The following WDR64 variants were observed in gnomAD, a reference collection of about 807,000 sequenced individuals.
WDR64 encodes the protein WD repeat-containing protein 64.
In WDR64, 112 loss-of-function variants were observed where a neutral mutation model predicts 139.3. That is an observed-to-expected ratio of 0.80 (90% CI 0.69 to 0.94). The LOEUF (loss-of-function observed/expected upper bound fraction) is 0.94. Among genes scored for constraint, WDR64 ranks in the 40% least tolerant of loss-of-function variants. The pLI is 0.00. For synonymous variants in WDR64, 444 were observed against 437.7 expected, an observed-to-expected ratio of 1.01 and a Z score of -0.18; for missense variants, 1,206 against 1,293.1, an observed-to-expected ratio of 0.93 and a Z score of 1.03.
intron 13 of WDR64, among the ~76,000 whole-genome samples, chr1:241,746,067 A>T (rs1292800230): frequency 6.6e-6 from 1 of 152,230 alleles, no homozygotes; most frequent in Non-Finnish European, 1.5e-5. Flanking sequence ...CACTATGATT[A>T]TTCATTAAAT....
intron 9 of WDR64, among the ~76,000 whole-genome samples, chr1:241,713,408 AGGAAGGGAAGGAAG>A (rs1448130707): frequency 3.0e-5 from 3 of 99,582 alleles, no homozygotes; most frequent in African/African-American, 1.1e-4. Flanking sequence ...GGAGGGAGGG[AGGAAGGGAAGGAAG>A]GGAAGGAAGG....
intron 12 of WDR64, among the ~76,000 whole-genome samples, chr1:241,742,022 G>A (rs568539347): frequency 2.0e-5 from 3 of 152,284 alleles, no homozygotes; most frequent in African/African-American, 7.2e-5. Flanking sequence ...AAATTTATAG[G>A]TGTTTACTGT....
Position 241,801,426 on chromosome 1 carries a change from G to A in WDR64, c.*211G>A, listed in dbSNP as rs548834200. 38 of 483,564 alleles carry A rather than the reference G, an allele frequency of 7.9e-5. No individual in the cohort carries two copies. Among genetic ancestry groups the A allele is most frequent in the East Asian group, 3.3e-4 (11 of 33,488 alleles). The allele number at this position is 483,564 out of a possible 1,614,324, so 30.0% of individuals were successfully genotyped here. A position where few individuals can be genotyped will look rare whatever the true frequency, so the allele number is the denominator to read the frequency against. On this transcript the variant is annotated 3_prime_UTR_variant, in exon 28 of 28. Coordinates refer to ENST00000437684, the MANE Select transcript of WDR64 (RefSeq NM_001367482.1). ...GCAGCAAGCAGCCAGAAGTTTAGGC[G>A]GTGTTTCTTATTTACTGTCAGCAAA...
In WDR64 at chr1:241,802,486, T is replaced by C. The variant is rs1268769339; in HGVS notation, c.*1271T>C. ...TGTTATCTTAATAAAGTTTGGGTTA[T>C]ACAGCTAGGTGTGCATTTCAAAATT... On this transcript the variant is annotated 3_prime_UTR_variant, in exon 28 of 28. Coordinates refer to ENST00000437684, the MANE Select transcript of WDR64 (RefSeq NM_001367482.1). Among the ~76,000 whole-genome samples the C allele has an allele frequency of 1.3e-5, 2 of 152,182 alleles. No homozygotes were observed. Among genetic ancestry groups the C allele is most frequent in the African/African-American group, 2.4e-5 (1 of 41,462 alleles).
At position 241,707,857 on chromosome 1, in the gene WDR64, C is replaced by T. The variant is rs1395927664; in HGVS notation, c.975-3945C>T. ...TTTCATAAGTGGAGACACTGTAGCT[C>T]AGCAAGATTAAGTGACTTTTCTAAA... On this transcript the variant is annotated intron_variant, in intron 8 of 27. Transcript: ENST00000437684. Among the ~76,000 whole-genome samples the T allele has an allele frequency of 2.0e-5, 3 of 152,216 alleles. No homozygotes were observed. The East Asian group carries it at 5.8e-4, about 29-fold the overall frequency.
intron 10 of WDR64, among the ~76,000 whole-genome samples, chr1:241,727,011 C>T (rs947152579): frequency 1.3e-5 from 2 of 152,066 alleles, no homozygotes; most frequent in Non-Finnish European, 2.9e-5. Flanking sequence ...CTCAGCCTCC[C>T]AAGTAGCTGG....
intron 10 of WDR64, among the ~76,000 whole-genome samples, chr1:241,724,867 C>T (rs1668740375): frequency 2.0e-5 from 3 of 152,024 alleles, no homozygotes; most frequent in African/African-American, 7.2e-5. Flanking sequence ...CTAATAACAA[C>T]CCTATAAAGT....
Position 241,674,740 on chromosome 1 carries a change from A to C in WDR64, c.476A>C (p.Asn159Thr). 6.5e-7 allele frequency: 1 copy of C among 1,538,292 alleles called. No individual in the cohort carries two copies. Among genetic ancestry groups the C allele is most frequent in the Non-Finnish European group, 8.8e-7 (1 of 1,136,784 alleles). Residue 159 changes from asparagine (N) to threonine (T), a missense_variant, in exon 4 of 28, where the codon AAT (asparagine) becomes ACT (threonine). Coordinates refer to ENST00000437684, the MANE Select transcript of WDR64 (RefSeq NM_001367482.1). ...ATQKGLITVFNNQMRVQTSTN... is the reference protein window; with the variant it reads ...ATQKGLITVFTNQMRVQTSTN... ...CAGAAAGGATTAATAACAGTTTTTA[A>C]TAACCAGGTAATTTCTTTTTCTTTT...
chr1:241,774,257 A>G (rs1046671610), intron 20 of WDR64, among the ~76,000 whole-genome samples: 1 of 152,246 alleles, frequency 6.6e-6, no homozygotes, highest in African/African-American at 2.4e-5. Context: ...TTTCTGCCAG[A>G]TAAAACTCTA....
chr1:241,733,591 C>T (rs1017214475), intron 10 of WDR64, among the ~76,000 whole-genome samples: 3 of 150,672 alleles, frequency 2.0e-5, no homozygotes, highest in Non-Finnish European at 4.4e-5. Flanking sequence ...ATATATTATA[C>T]ATAATGCATA....
At position 241,771,937 on chromosome 1, in the gene WDR64, CATACATACAT is replaced by C. The variant is rs1467375327; in HGVS notation, c.2290+244_2290+253del. ...ATACATATATACATACATATACATACATACATACATATATATATATATATATATATATATA... is the reference window on the plus strand; with the variant it reads ...ATACATATATACATACATATACATACATATATATATATATATATATATATA... On this transcript the variant is annotated intron_variant, in intron 19 of 27. Coordinates refer to ENST00000437684, the MANE Select transcript of WDR64 (RefSeq NM_001367482.1). Among the ~76,000 whole-genome samples, 555 of 56,418 alleles carry C rather than the reference CATACATACAT, an allele frequency of 9.8e-3. 1 individual carries two copies. Among genetic ancestry groups the C allele is most frequent in the African/African-American group, 0.03 (513 of 16,996 alleles). 37.0% of individuals were successfully genotyped at this position (56,418 alleles called of 152,430 possible). A position where few individuals can be genotyped will look rare whatever the true frequency, so the allele number is the denominator to read the frequency against.
At chr1:241,708,692 G>GTTTTTTT (rs766069628) in intron 8 of WDR64, among the ~76,000 whole-genome samples, 1,034 of 59,736 alleles carry the variant, frequency 0.017, 176 homozygotes, top group African/African-American at 0.05. Context: ...GAGGTCCATG[G>GTTTTTTT]TTTTTTTTTT....
At chr1:241,792,105 A>T (rs561316009) in intron 25 of WDR64, among the ~76,000 whole-genome samples, 2 of 152,328 alleles carry the variant, frequency 1.3e-5, no homozygotes, top group African/African-American at 4.8e-5. Context: ...CACCCTCTAC[A>T]AATCACACTA....
chr1:241,794,432 G>T (rs1659297579), intron 25 of WDR64, among the ~76,000 whole-genome samples: 1 of 149,100 alleles, frequency 6.7e-6, no homozygotes, highest in Non-Finnish European at 1.5e-5. Flanking sequence ...TAAATTTGGA[G>T]AAATCTTTAG....
chr1:241,674,444 T>C (rs1181130881), intron 3 of WDR64, among the ~76,000 whole-genome samples, 200 bp from the exon 4 acceptor site: 3 of 151,844 alleles, frequency 2.0e-5, no homozygotes, highest in Non-Finnish European at 4.4e-5. Flanking sequence ...TTGGTAGAGA[T>C]GGACTTTGTC....
chr1:241,774,987 C>A, intron 20 of WDR64, 118 bp from the exon 21 acceptor site: 1 of 751,010 alleles, frequency 1.3e-6, no homozygotes, highest in Non-Finnish European at 2.1e-6. Flanking sequence ...AATCGTGGTT[C>A]AGTAGTAGAG....
At chr1:241,768,790 G>T (rs889560301) in intron 16 of WDR64, among the ~76,000 whole-genome samples, 12 of 152,258 alleles carry the variant, frequency 7.9e-5, no homozygotes, top group African/African-American at 2.6e-4. Flanking sequence ...CTAGGATGGT[G>T]CCTACAAAGT....
intron 10 of WDR64, among the ~76,000 whole-genome samples, chr1:241,735,875 G>A (rs1010594932): frequency 8.7e-6 from 1 of 114,744 alleles, no homozygotes; most frequent in African/African-American, 3.2e-5. Context: ...GTGTGTGTGT[G>A]TGTGTGTGTG....
intron 1 of WDR64, among the ~76,000 whole-genome samples, chr1:241,657,604 T>A (rs1180351502): frequency 1.3e-5 from 2 of 152,126 alleles, no homozygotes; most frequent in African/African-American, 4.8e-5. Context: ...GGCTGACCCT[T>A]TTTTTGCTCA....
Sources: gnomAD v4.1 joint callset for allele counts (sites outside exome capture counted in the v4.1 genomes callset) on GRCh38, gnomAD v4.1.1 for gene constraint, MANE v1.5 for transcripts, NCBI Gene and HGNC (gene_info 2026-07-23, HGNC 2026-07-21) for gene names.